MSANTD3: variants seen among roughly 807,000 people sequenced by gnomAD.
MSANTD3 encodes the protein myb/SANT-like DNA-binding domain-containing protein 3.
Under a neutral mutation model 27.7 loss-of-function variants are expected in MSANTD3, and 11 were observed. That is an observed-to-expected ratio of 0.40 (90% CI 0.25 to 0.66). The LOEUF is 0.66. Among genes scored for constraint, MSANTD3 ranks in the 30% least tolerant of loss-of-function variants. The probability of loss-of-function intolerance (pLI) is 0.41; values close to 1 mark genes in which losing one functional copy is unlikely to be tolerated. For missense variants in MSANTD3, 250 were observed against 336.5 expected (o/e 0.74, Z 2.01); for synonymous variants, 131 against 127.2 (o/e 1.03, Z -0.20).
chr9:100,442,055 G>C lies in MSANTD3; in HGVS notation c.117G>C (p.Ala39=). 1 of 1,614,194 alleles carries C rather than the reference G, an allele frequency of 6.2e-7. No individual in the cohort carries two copies. Among genetic ancestry groups the C allele is most frequent in the Admixed American group, 1.7e-5 (1 of 60,024 alleles). The part of the protein sequence containing the change: ...KYVLECKKSD[A]RTIALKQRTW... ...TGCTGGAATGTAAGAAAAGTGATGC[G>C]CGAACTATTGCCCTTAAGCAGCGTA... Residue 39 remains alanine (A), a synonymous_variant, in exon 2 of 3, where the codon GCG becomes GCC. Transcript: ENST00000395067.
intron 1 of MSANTD3, among the ~76,000 whole-genome samples, chr9:100,437,714 G>A (rs1587786517): frequency 6.6e-6 from 1 of 152,144 alleles, no homozygotes; most frequent in Non-Finnish European, 1.5e-5. Context: ...GGCTATTAAT[G>A]GTCCCCAGGT....
intron 2 of MSANTD3, chr9:100,448,586 T>C (rs1836813407): frequency 1.0e-6 from 1 of 985,300 alleles, no homozygotes; most frequent in Non-Finnish European, 1.2e-6. Flanking sequence ...CCCATACACA[T>C]TTCTTACATG....
rs149974683 is a variant in MSANTD3 at position 100,430,486 on chromosome 9, C to T, written c.-34+3093C>T. ...GGGGTGCTATAATCAGGACCAGATCCGGAAAGGCCATGAATGCCATGTGAA... is the reference window on the plus strand; with the variant it reads ...GGGGTGCTATAATCAGGACCAGATCTGGAAAGGCCATGAATGCCATGTGAA... On this transcript the variant is annotated intron_variant, in intron 1 of 2. Transcript: ENST00000395067. Among the ~76,000 whole-genome samples, 20 of 152,150 alleles carry T rather than the reference C, an allele frequency of 1.3e-4. No homozygotes were observed. The East Asian group carries it at 1.7e-3, about 13-fold the overall frequency.
intron 1 of MSANTD3, among the ~76,000 whole-genome samples, chr9:100,434,883 C>A (rs570639262): frequency 6.6e-6 from 1 of 152,044 alleles, no homozygotes; most frequent in Admixed American, 6.6e-5. Context: ...CAGTGCTGAG[C>A]CTTTGGCAGG....
At chr9:100,447,452 C>T (rs753875452) in intron 2 of MSANTD3, among the ~76,000 whole-genome samples, 2 of 152,066 alleles carry the variant, frequency 1.3e-5, no homozygotes, top group Admixed American at 6.5e-5. Context: ...TTTCTGCTCC[C>T]GGACACAAAC....
chr9:100,448,944 A>G (rs1836819438), intron 2 of MSANTD3: 2 of 985,084 alleles, frequency 2.0e-6, no homozygotes, highest in African/African-American at 1.8e-5. Flanking sequence ...GGAGTGGAAT[A>G]ATTAAACAGT....
chr9:100,439,002 T>G (rs1836542072), intron 1 of MSANTD3, among the ~76,000 whole-genome samples: 1 of 152,178 alleles, frequency 6.6e-6, no homozygotes, highest in Non-Finnish European at 1.5e-5. Context: ...AAACCACCTT[T>G]GACATGTGTC....
chr9:100,445,266 C>T, intron 2 of MSANTD3: 1 of 1,212,184 alleles, frequency 8.2e-7, no homozygotes, highest in Admixed American at 1.7e-5. Context: ...AGTTATGGCC[C>T]TCATTACATC....
intron 1 of MSANTD3, among the ~76,000 whole-genome samples, chr9:100,439,400 A>G (rs1043061126): frequency 4.6e-5 from 7 of 152,240 alleles, no homozygotes; most frequent in Admixed American, 1.3e-4. Flanking sequence ...ATTTTAAAAC[A>G]TAACAAAGGT....
intron 1 of MSANTD3, among the ~76,000 whole-genome samples, chr9:100,436,189 G>C (rs1836474353): frequency 6.6e-6 from 1 of 152,144 alleles, no homozygotes; most frequent in Non-Finnish European, 1.5e-5. Context: ...CCAGGCTGAA[G>C]TGGGGTGACT....
At chr9:100,444,263 G>A (rs894078967) in intron 2 of MSANTD3, 19 of 152,178 alleles carry the variant, frequency 1.2e-4, no homozygotes, top group African/African-American at 4.1e-4. Context: ...TCCAGTGTGG[G>A]AACCTCATAC....
At chr9:100,449,167 ACTC>A (rs1308077797) in intron 2 of MSANTD3, 2 of 985,080 alleles carry the variant, frequency 2.0e-6, no homozygotes, top group African/African-American at 3.5e-5. Context: ...CAGCTACAAG[ACTC>A]CATGGGTTAG....
At chr9:100,438,429 T>C (rs1836527648) in intron 1 of MSANTD3, among the ~76,000 whole-genome samples, 1 of 150,374 alleles carries the variant, frequency 6.7e-6, no homozygotes, top group Non-Finnish European at 1.5e-5. Flanking sequence ...ATTTAGAAAG[T>C]GTGTGTGTGT....
At position 100,433,375 on chromosome 9, in the gene MSANTD3, C is replaced by CT. The variant is rs201550861; in HGVS notation, c.-34+5990dup. On this transcript the variant is annotated intron_variant, in intron 1 of 2. Coordinates refer to ENST00000395067, the MANE Select transcript of MSANTD3 (RefSeq NM_080655.3). ...GTCCTTAACCTCTATATTATACTAC[C>CT]TTTTTTTTCTTGGAGACAGGGTCTT... Among the ~76,000 whole-genome samples the CT allele has an allele frequency of 6.7e-3, 1,018 of 151,994 alleles. 7 individuals carry two copies. Among genetic ancestry groups the CT allele is most frequent in the African/African-American group, 0.024 (984 of 41,438 alleles).
At chr9:100,450,478 T>C in intron 2 of MSANTD3, 79 bp from the exon 3 acceptor site, 2 of 1,318,956 alleles carry the variant, frequency 1.5e-6, no homozygotes, top group South Asian at 3.1e-5. Context: ...AAGGACCCTG[T>C]CATTTGAAAT....
chr9:100,449,847 G>A (rs985389349), intron 2 of MSANTD3, among the ~76,000 whole-genome samples: 5 of 152,014 alleles, frequency 3.3e-5, no homozygotes, highest in Admixed American at 2.6e-4. Context: ...AGAGGGGAAG[G>A]CAGCTTAGAA....
intron 1 of MSANTD3, among the ~76,000 whole-genome samples, chr9:100,437,776 G>A (rs951539662): frequency 2.6e-5 from 4 of 151,990 alleles, no homozygotes; most frequent in African/African-American, 9.7e-5. Flanking sequence ...ATTTCTTCTG[G>A]TACTTTATAT....
chr9:100,430,084 CCT>C (rs930055781), intron 1 of MSANTD3, among the ~76,000 whole-genome samples: 112 of 144,214 alleles, frequency 7.8e-4, no homozygotes, highest in South Asian at 1.9e-3. Flanking sequence ...GCTAGTCTCT[CCT>C]CTCTCTCTCA....
chr9:100,442,505 G>A, intron 2 of MSANTD3, 149 bp downstream of exon 2: 1 of 1,327,962 alleles, frequency 7.5e-7, no homozygotes, highest in Non-Finnish European at 1.0e-6. Flanking sequence ...GGATTATATA[G>A]GACATTCAAA....
Sources: gnomAD v4.1 joint callset for allele counts (sites outside exome capture counted in the v4.1 genomes callset) on GRCh38, gnomAD v4.1.1 for gene constraint, MANE v1.5 for transcripts, NCBI Gene and HGNC (gene_info 2026-07-23, HGNC 2026-07-21) for gene names.